Variants in PCDH15 observed in about 807,000 individuals in gnomAD.
The protein encoded by PCDH15 is protocadherin-15.
In PCDH15, 129 loss-of-function variants were observed where a neutral mutation model predicts 178.5. The observed-to-expected ratio is 0.72, with a 90% confidence interval of 0.63 to 0.84. PCDH15 has a LOEUF of 0.84. Among genes scored for constraint, PCDH15 ranks in the 40% least tolerant of loss-of-function variants. PCDH15 has a pLI of 0.00. For synonymous variants in PCDH15, 800 were observed against 732.0 expected, an observed-to-expected ratio of 1.09 and a Z score of -1.50; for missense variants, 2,230 against 2,099.9, an observed-to-expected ratio of 1.06 and a Z score of -1.21.
intron 26 of PCDH15, among the ~76,000 whole-genome samples, chr10:53,900,779 C>T (rs1352487102): frequency 6.6e-6 from 1 of 152,140 alleles, no homozygotes; most frequent in African/African-American, 2.4e-5. Flanking sequence ...CCTTCTGTCT[C>T]CTTTGACACT....
At chr10:54,238,147 T>A (rs1299374069) in intron 8 of PCDH15, among the ~76,000 whole-genome samples, 1 of 152,120 alleles carries the variant, frequency 6.6e-6, no homozygotes, top group Admixed American at 6.6e-5. Flanking sequence ...AACTACTGTT[T>A]CCCAAACATT....
intron 2 of PCDH15, among the ~76,000 whole-genome samples, chr10:55,496,368 G>A (rs1840534640): frequency 1.3e-5 from 2 of 151,750 alleles, no homozygotes; most frequent in African/African-American, 4.8e-5. Context: ...TAATAACACA[G>A]CTTTGATGAA....
chr10:55,205,588 CAT>C (rs1361723890), intron 1 of PCDH15, among the ~76,000 whole-genome samples: 8 of 151,860 alleles, frequency 5.3e-5, no homozygotes, highest in Admixed American at 5.2e-4. Flanking sequence ...AAATTTTAAA[CAT>C]ATTTTTGAGG....
intron 3 of PCDH15, among the ~76,000 whole-genome samples, chr10:54,519,495 T>C (rs2138126257): frequency 6.6e-6 from 1 of 152,106 alleles, no homozygotes; most frequent in African/African-American, 2.4e-5. Flanking sequence ...CCTAGAAATC[T>C]GACTTACAAG....
chr10:54,462,270 C>A (rs1454195685), intron 3 of PCDH15, among the ~76,000 whole-genome samples: 2 of 150,164 alleles, frequency 1.3e-5, no homozygotes, highest in Admixed American at 1.3e-4. Flanking sequence ...GCATTTATGT[C>A]CTAATTTTTG....
chr10:54,481,778 T>C (rs976902482), intron 3 of PCDH15, among the ~76,000 whole-genome samples: 3 of 151,858 alleles, frequency 2.0e-5, no homozygotes, highest in Non-Finnish European at 2.9e-5. Flanking sequence ...ATAAAATATA[T>C]ATTATCCTAT....
intron 2 of PCDH15, among the ~76,000 whole-genome samples, chr10:55,489,917 T>C (rs190957009): frequency 1.3e-5 from 2 of 151,800 alleles, no homozygotes; most frequent in Admixed American, 1.3e-4. Flanking sequence ...TAGAAAGAAG[T>C]GTCCAAGTTT....
At chr10:54,872,374 T>G (rs1954054739) in intron 3 of PCDH15, among the ~76,000 whole-genome samples, 1 of 151,938 alleles carries the variant, frequency 6.6e-6, no homozygotes. Context: ...AAAAGCAAAA[T>G]TTTCAAATAA....
chr10:54,292,346 C>T (rs948249586), intron 8 of PCDH15, among the ~76,000 whole-genome samples: 9 of 152,106 alleles, frequency 5.9e-5, no homozygotes, highest in African/African-American at 2.2e-4. Flanking sequence ...GTATTTATGA[C>T]AAACCCACAG....
intron 3 of PCDH15, among the ~76,000 whole-genome samples, chr10:54,388,596 C>G (rs1243101512): frequency 6.6e-6 from 1 of 152,146 alleles, no homozygotes; most frequent in Non-Finnish European, 1.5e-5. Context: ...AGAATTCTAT[C>G]CCACCATCTT....
chr10:55,322,232 T>C (rs1843919716), upstream of PCDH15, among the ~76,000 whole-genome samples: 1 of 152,186 alleles, frequency 6.6e-6, no homozygotes, highest in Non-Finnish European at 1.5e-5. Context: ...GAGGTGCCTT[T>C]GCTTTTCTTT....
At chr10:54,768,442 A>G (rs1948749306) in intron 1 of PCDH15, among the ~76,000 whole-genome samples, 1 of 152,034 alleles carries the variant, frequency 6.6e-6, no homozygotes. Flanking sequence ...ACTTGCTAAC[A>G]TTGAAACAAA....
At chr10:54,283,975 G>A (rs953262945) in intron 8 of PCDH15, among the ~76,000 whole-genome samples, 1 of 152,036 alleles carries the variant, frequency 6.6e-6, no homozygotes, top group African/African-American at 2.4e-5. Flanking sequence ...AAGACTACAG[G>A]TGCATGCCAC....
At chr10:54,020,123 A>G in intron 20 of PCDH15, 69 bp downstream of exon 20, 2 of 1,318,032 alleles carry the variant, frequency 1.5e-6, no homozygotes, top group South Asian at 2.4e-5. Flanking sequence ...TTATAGGTAT[A>G]ATAGAAGGAA....
chr10:54,095,558 TA>T (rs543102555), intron 15 of PCDH15, among the ~76,000 whole-genome samples: 4 of 152,190 alleles, frequency 2.6e-5, no homozygotes, highest in African/African-American at 9.6e-5. Context: ...AGGAGAGCCA[TA>T]AAACAGCTCT....
At chr10:55,277,141 T>C (rs1417070793) in intron 1 of PCDH15, among the ~76,000 whole-genome samples, 2 of 152,074 alleles carry the variant, frequency 1.3e-5, no homozygotes, top group Non-Finnish European at 2.9e-5. Flanking sequence ...TCTGCTATAC[T>C]ATCACGACCT....
chr10:53,989,776 C>T (rs1279878275), intron 21 of PCDH15, among the ~76,000 whole-genome samples: 1 of 152,054 alleles, frequency 6.6e-6, no homozygotes, highest in Non-Finnish European at 1.5e-5. Context: ...AGAGTCTCTG[C>T]TACATTGTTA....
intron 2 of PCDH15, among the ~76,000 whole-genome samples, chr10:54,957,595 C>T (rs902236191): frequency 3.3e-5 from 5 of 151,306 alleles, no homozygotes; most frequent in African/African-American, 9.7e-5. Context: ...AAAGAAATAC[C>T]GTAACTATAA....
At chr10:54,518,495 C>A (rs1424482680) in intron 3 of PCDH15, among the ~76,000 whole-genome samples, 2 of 152,026 alleles carry the variant, frequency 1.3e-5, no homozygotes, top group Non-Finnish European at 2.9e-5. Context: ...CATACACCCC[C>A]CCAAGACTAA....
Sources: allele counts gnomAD v4.1 joint callset (sites outside exome capture counted in the v4.1 genomes callset), GRCh38; gene constraint gnomAD v4.1.1; transcripts MANE v1.5; gene names NCBI Gene and HGNC (gene_info 2026-07-23, HGNC 2026-07-21).